MAGI1: variants seen among roughly 807,000 people sequenced by gnomAD.
The protein encoded by MAGI1 is membrane associated guanylate kinase, WW and PDZ domain containing 1.
In MAGI1, 58 loss-of-function variants were observed where a neutral mutation model predicts 139.9. The observed-to-expected ratio is 0.41, with a 90% CI of 0.34 to 0.52. MAGI1 has a LOEUF of 0.52. Among genes scored for constraint, MAGI1 ranks in the 20% least tolerant of loss-of-function variants. The pLI, the probability that MAGI1 is intolerant of heterozygous loss-of-function variation, is 0.12. For synonymous variants in MAGI1, 812 were observed against 737.9 expected, an observed-to-expected ratio of 1.10 and a Z score of -1.63; for missense variants, 1,874 against 1,901.6, an observed-to-expected ratio of 0.99 and a Z score of 0.27.
Position 65,596,941 on chromosome 3 carries a change from T to C in MAGI1, c.430+25031A>G, listed in dbSNP as rs57659468. Among the ~76,000 whole-genome samples, 830 of 152,288 alleles carry C rather than the reference T, an allele frequency of 5.5e-3. 7 individuals carry two copies. The highest frequency in any genetic ancestry group is 0.019 in the African/African-American group (802 of 41,564). ...GCCTTCCGCATGTACATTCTTCCTTTTAGAAATAGGAAAACGGACAGAGGA... is the reference window on the plus strand; with the variant it reads ...GCCTTCCGCATGTACATTCTTCCTTCTAGAAATAGGAAAACGGACAGAGGA... On this transcript the variant is annotated intron_variant, in intron 2 of 22. Transcript: ENST00000402939.
chr3:65,481,622 C>A (rs1951298715), intron 3 of MAGI1, among the ~76,000 whole-genome samples: 2 of 152,130 alleles, frequency 1.3e-5, no homozygotes, highest in Admixed American at 6.6e-5. Context: ...AGATGTGGAA[C>A]CCCTCCCTCG....
chr3:65,507,063 T>A (rs544389020), intron 2 of MAGI1, among the ~76,000 whole-genome samples: 1 of 152,070 alleles, frequency 6.6e-6, no homozygotes, highest in African/African-American at 2.4e-5. Flanking sequence ...TACCACAGAG[T>A]GCAACATATA....
intron 1 of MAGI1, among the ~76,000 whole-genome samples, chr3:65,917,364 T>A (rs1323389405): frequency 2.0e-5 from 3 of 152,234 alleles, no homozygotes; most frequent in Non-Finnish European, 4.4e-5. Flanking sequence ...TGCAAAATTA[T>A]ATTGCCACTT....
In MAGI1 at chr3:65,869,367, T is replaced by TTTGTTG. The variant is rs200952901; in HGVS notation, c.313+168623_313+168628dup. 9.9e-3 allele frequency among the ~76,000 whole-genome samples: 1,176 copies of TTTGTTG among 118,904 alleles called. 11 individuals carry two copies. Among genetic ancestry groups the TTTGTTG allele is most frequent in the Middle Eastern group, 0.014 (3 of 210 alleles). The allele number at this position is 118,904 out of a possible 152,430, so 78.0% of individuals were successfully genotyped here. ...CAGATCCCAAAGGCAAGACTGGTTT[T>TTTGTTG]TTGTTGTTGTTGTTGTTGTTGTTGT... On this transcript the variant is annotated intron_variant, in intron 1 of 22. Coordinates refer to ENST00000402939, the MANE Select transcript of MAGI1 (RefSeq NM_001033057.2).
chr3:65,591,331 C>A (rs2081955927), intron 2 of MAGI1, among the ~76,000 whole-genome samples: 1 of 152,064 alleles, frequency 6.6e-6, no homozygotes, highest in African/African-American at 2.4e-5. Flanking sequence ...CCCTTGGAGT[C>A]ATTCTCAATT....
intron 2 of MAGI1, among the ~76,000 whole-genome samples, chr3:65,562,137 G>T (rs2080384040): frequency 6.6e-6 from 1 of 152,030 alleles, no homozygotes; most frequent in South Asian, 2.1e-4. Flanking sequence ...GGAATAAACA[G>T]AGTATATATA....
At chr3:66,012,089 C>A (rs1229414303) in intron 1 of MAGI1, among the ~76,000 whole-genome samples, 1 of 151,898 alleles carries the variant, frequency 6.6e-6, no homozygotes, top group African/African-American at 2.4e-5. Flanking sequence ...TTAGGATGGG[C>A]AACAAAATGG....
At chr3:65,473,717 A>T (rs928823804) in intron 4 of MAGI1, among the ~76,000 whole-genome samples, 1 of 148,898 alleles carries the variant, frequency 6.7e-6, no homozygotes, top group Non-Finnish European at 1.5e-5. Flanking sequence ...TCTCTGGGAA[A>T]ATCTCTTAGT....
At chr3:65,897,083 TAATAC>T (rs1417632244) in intron 1 of MAGI1, among the ~76,000 whole-genome samples, 2 of 152,210 alleles carry the variant, frequency 1.3e-5, no homozygotes, top group Non-Finnish European at 2.9e-5. Context: ...TTATAATACC[TAATAC>T]AATACAAATG....
At position 65,356,479 on chromosome 3, in the gene MAGI1, C is replaced by A; in HGVS notation, c.4288G>T (p.Glu1430Ter). 1 of 1,611,966 alleles carries A rather than the reference C, an allele frequency of 6.2e-7. No individual in the cohort carries two copies. Among genetic ancestry groups the A allele is most frequent in the East Asian group, 2.2e-5 (1 of 44,832 alleles). Residue 1430 changes from glutamate to a stop codon, truncating the protein, a stop_gained, in exon 23 of 23, where the codon GAA becomes TAA. Coordinates refer to ENST00000402939, the MANE Select transcript of MAGI1 (RefSeq NM_001033057.2). LOFTEE classifies it high-confidence loss of function. ...REDRASHRER[E>*]EANLKQDAGR... The stretch of plus-strand genomic sequence containing the variant: ...GCATCCTGTTTCAGATTCGCCTCTT[C>A]CCTTTCTCGGTGGCTGGCTCTGTCC...
intron 1 of MAGI1, chr3:65,687,751 T>C (rs539516232): frequency 3.6e-6 from 2 of 553,962 alleles, no homozygotes; most frequent in Non-Finnish European, 3.7e-6. Context: ...ACAGGATCCT[T>C]CTGAAGTTTT....
chr3:65,439,773 G>C, intron 9 of MAGI1, 106 bp downstream of exon 9: 1 of 1,573,528 alleles, frequency 6.4e-7, no homozygotes, highest in Non-Finnish European at 8.6e-7. Flanking sequence ...TGTGGCAAGA[G>C]AGGACTCAAT....
At chr3:65,848,891 G>C (rs2059100644) in intron 1 of MAGI1, among the ~76,000 whole-genome samples, 2 of 150,756 alleles carry the variant, frequency 1.3e-5, no homozygotes, top group African/African-American at 4.9e-5. Context: ...ACTGATTTGT[G>C]AGTGAGTGGG....
intron 1 of MAGI1, among the ~76,000 whole-genome samples, chr3:65,635,906 A>T (rs2084588604): frequency 6.6e-6 from 1 of 152,246 alleles, no homozygotes; most frequent in Non-Finnish European, 1.5e-5. Context: ...TGACTGCATT[A>T]CAGTATAGCA....
intron 14 of MAGI1, among the ~76,000 whole-genome samples, chr3:65,388,737 T>A (rs2047101994): frequency 6.6e-6 from 1 of 151,186 alleles, no homozygotes; most frequent in Non-Finnish European, 1.5e-5. Context: ...CTACAGAGAC[T>A]CCAATTACCA....
intron 1 of MAGI1, among the ~76,000 whole-genome samples, chr3:65,983,165 A>G (rs2065678767): frequency 6.6e-6 from 1 of 152,184 alleles, no homozygotes; most frequent in Non-Finnish European, 1.5e-5. Context: ...GGGGTTTCTC[A>G]GAATAGAGGA....
intron 1 of MAGI1, among the ~76,000 whole-genome samples, chr3:65,906,293 G>A (rs2061429262): frequency 6.6e-6 from 1 of 152,166 alleles, no homozygotes; most frequent in Admixed American, 6.5e-5. Flanking sequence ...GAAGAAGGAA[G>A]CACCAGGGCT....
chr3:65,568,140 C>T (rs972117913), intron 2 of MAGI1, among the ~76,000 whole-genome samples: 12 of 152,132 alleles, frequency 7.9e-5, no homozygotes, highest in African/African-American at 2.9e-4. Flanking sequence ...CAAACTCCCA[C>T]CCAAAGACCA....
chr3:65,843,184 T>C (rs578157718), intron 1 of MAGI1, among the ~76,000 whole-genome samples: 36 of 152,290 alleles, frequency 2.4e-4, no homozygotes, highest in Non-Finnish European at 4.4e-5. Context: ...TTGTCTTCTG[T>C]CTTAGGTGAT....
Sources: gnomAD v4.1 joint callset for allele counts (sites outside exome capture counted in the v4.1 genomes callset) on GRCh38, gnomAD v4.1.1 for gene constraint, MANE v1.5 for transcripts, NCBI Gene and HGNC (gene_info 2026-07-23, HGNC 2026-07-21) for gene names.